The following LIN52 variants were observed in gnomAD, a reference collection of about 807,000 sequenced individuals.
LIN52 encodes protein lin-52 homolog.
In LIN52, 4 loss-of-function variants were observed where a neutral mutation model predicts 18.5. The observed-to-expected ratio is 0.22, with a 90% CI of 0.11 to 0.49. LIN52 has a LOEUF of 0.49. LIN52 is among the 20% of genes least tolerant of loss of function. LIN52 has a pLI of 0.97. For missense variants in LIN52, 102 were observed against 139.5 expected (o/e 0.73, Z 1.35); for synonymous variants, 34 against 45.5 (o/e 0.75, Z 1.02).
At chr14:74,101,339 A>G in intron 5 of LIN52, 101 bp downstream of exon 5, 1 of 709,294 alleles carries the variant, frequency 1.4e-6, no homozygotes, top group East Asian at 3.1e-5. Context: ...GTTATAATTC[A>G]GAAAGTATAT....
chr14:74,143,051 A>G (rs1251730321), intron 5 of LIN52, among the ~76,000 whole-genome samples: 10 of 151,826 alleles, frequency 6.6e-5, no homozygotes, highest in African/African-American at 2.2e-4. Context: ...TAGACTATGG[A>G]ATGAGTCCAG....
intron 5 of LIN52, among the ~76,000 whole-genome samples, chr14:74,130,587 C>CT (rs1566856707): frequency 1.1e-4 from 13 of 115,710 alleles, no homozygotes; most frequent in South Asian, 3.4e-4. Context: ...CTAAATTGGC[C>CT]ATTTTTTTTT....
At chr14:74,130,954 ATTAT>A (rs138444518) in intron 5 of LIN52, among the ~76,000 whole-genome samples, 21 of 150,870 alleles carry the variant, frequency 1.4e-4, no homozygotes, top group Non-Finnish European at 1.2e-4. Flanking sequence ...TAAAATTTTT[ATTAT>A]TTATTTATTT....
intron 5 of LIN52, among the ~76,000 whole-genome samples, chr14:74,193,333 G>A (rs2139596932): frequency 6.6e-6 from 1 of 151,798 alleles, no homozygotes; most frequent in South Asian, 2.1e-4. Flanking sequence ...AGGATCACTT[G>A]AGTCCAGGAG....
intron 5 of LIN52, among the ~76,000 whole-genome samples, chr14:74,169,779 A>G (rs572020190): frequency 1.8e-4 from 28 of 152,318 alleles, no homozygotes; most frequent in Admixed American, 5.2e-4. Context: ...CTCAGACACT[A>G]TTAGATTCTA....
At chr14:74,087,063 T>A (rs902251476) in intron 1 of LIN52, among the ~76,000 whole-genome samples, 12 of 152,188 alleles carry the variant, frequency 7.9e-5, no homozygotes, top group Non-Finnish European at 7.3e-5. Flanking sequence ...TGAGTTTGAT[T>A]TTTTTCCCCT....
At chr14:74,171,562 A>G (rs2061270673) in intron 5 of LIN52, among the ~76,000 whole-genome samples, 1 of 152,070 alleles carries the variant, frequency 6.6e-6, no homozygotes. Flanking sequence ...AATAAATGTT[A>G]TGAACTAGAA....
chr14:74,101,611 A>C (rs1389950668), intron 5 of LIN52, among the ~76,000 whole-genome samples: 1 of 151,770 alleles, frequency 6.6e-6, no homozygotes. Context: ...GGCGCCCGCC[A>C]CTACGCCCGG....
intron 5 of LIN52, among the ~76,000 whole-genome samples, chr14:74,175,711 T>TACACAC (rs35602442): frequency 0.026 from 2,220 of 86,330 alleles, 22 homozygotes; most frequent in Middle Eastern, 0.053. Flanking sequence ...CACAGACACA[T>TACACAC]ACACACACAC....
At chr14:74,121,301 A>G (rs1595163287) in intron 5 of LIN52, among the ~76,000 whole-genome samples, 3 of 152,232 alleles carry the variant, frequency 2.0e-5, no homozygotes, top group East Asian at 1.9e-4. Flanking sequence ...TGCTGTTTCC[A>G]TTCTATATTA....
chr14:74,088,152 A>G (rs1334920478), intron 1 of LIN52, among the ~76,000 whole-genome samples: 1 of 151,938 alleles, frequency 6.6e-6, no homozygotes, highest in African/African-American at 2.4e-5. Flanking sequence ...GTGCTGTGGC[A>G]TGATCTCGGG....
chr14:74,129,787 G>T (rs552068367), intron 5 of LIN52, among the ~76,000 whole-genome samples: 37 of 152,338 alleles, frequency 2.4e-4, no homozygotes, highest in African/African-American at 8.9e-4. Flanking sequence ...ATTCGAGGCT[G>T]CAGTGAGCTG....
rs1485148868 is a variant in LIN52, at chr14:74,091,239, TCTGGAAGC to T, written c.28_35del (p.Leu10IlefsTer6). ...CTGGATGTTTTGTTCTAGGGACAGA[TCTGGAAGC>T]ATCTTTGCTAAGTTTTGAAAAACTT... On this transcript the variant is annotated frameshift_variant, in exon 2 of 6. Coordinates refer to ENST00000555028, the MANE Select transcript of LIN52 (RefSeq NM_001024674.3). LOFTEE classifies it high-confidence loss of function. 14 of 1,610,088 alleles carry T rather than the reference TCTGGAAGC, an allele frequency of 8.7e-6. No homozygotes were observed. Among genetic ancestry groups the T allele is most frequent in the Non-Finnish European group, 1.2e-5 (14 of 1,176,736 alleles).
chr14:74,132,514 GTTGGTTGTT>G (rs1372443705), intron 5 of LIN52, among the ~76,000 whole-genome samples: 1 of 151,884 alleles, frequency 6.6e-6, no homozygotes, highest in African/African-American at 2.4e-5. Context: ...TTTTTGTTTG[GTTGGTTGTT>G]TTTTGAGACG....
Position 74,200,414 on chromosome 14 carries a change from G to GAAAAAAAAAA in LIN52, c.*1457_*1466dup, listed in dbSNP as rs59209603. 4.4e-5 allele frequency: 4 copies of GAAAAAAAAAA among 90,282 alleles called. No individual in the cohort carries two copies. Among genetic ancestry groups the GAAAAAAAAAA allele is most frequent in the African/African-American group, 1.5e-4 (3 of 20,596 alleles). 5.6% of individuals were successfully genotyped at this position (90,282 alleles called of 1,614,324 possible). A position where few individuals can be genotyped will look rare whatever the true frequency, so the allele number is the denominator to read the frequency against. On this transcript the variant is annotated 3_prime_UTR_variant, in exon 6 of 6. Coordinates refer to ENST00000555028, the MANE Select transcript of LIN52 (RefSeq NM_001024674.3). ...GGCAACAGAGTGAGACTCTGTCTCA[G>GAAAAAAAAAA]AAAAAAAAAAAAAAAAAAAAAAAAA...
chr14:74,180,262 AT>A (rs5809652), intron 5 of LIN52, among the ~76,000 whole-genome samples: 35,106 of 119,452 alleles, frequency 0.29, 4,899 homozygotes, highest in East Asian at 0.61. Context: ...GGGAGGAGGA[AT>A]TTTTTTTTTT....
At chr14:74,090,308 C>T in intron 1 of LIN52, among the ~76,000 whole-genome samples, 1 of 151,016 alleles carries the variant, frequency 6.6e-6, no homozygotes. Context: ...CATGAGGCAC[C>T]CCACCTGCCC....
In LIN52 at chr14:74,176,172, A is replaced by G. The variant is rs915448287; in HGVS notation, c.284-22750A>G. 2.0e-5 allele frequency among the ~76,000 whole-genome samples: 3 copies of G among 152,068 alleles called. No individual in the cohort carries two copies. The South Asian group carries it at 6.2e-4, about 31-fold the overall frequency. On this transcript the variant is annotated intron_variant, in intron 5 of 5. Transcript: ENST00000555028. The stretch of plus-strand genomic sequence containing the variant: ...GAGCTGCCTGAGGCTGTTTTATATT[A>G]TAATTATTGAGATTGAGCCATGCTC...
At position 74,130,278 on chromosome 14, in the gene LIN52, G is replaced by GTTTGT. The variant is rs1555382571; in HGVS notation, c.283+29043_283+29044insGTTTT. On this transcript the variant is annotated intron_variant, in intron 5 of 5. Coordinates refer to ENST00000555028, the MANE Select transcript of LIN52 (RefSeq NM_001024674.3). ...GAATTTATTAGATAGGCATTTTTTG[G>GTTTGT]TTTTTTTTTTTTTTTTTTGAGACAG... 1.1e-3 allele frequency among the ~76,000 whole-genome samples: 71 copies of GTTTGT among 64,820 alleles called. 6 individuals are homozygous for GTTTGT. The highest frequency in any genetic ancestry group is 4.2e-3 in the African/African-American group (66 of 15,876). The allele number at this position is 64,820 out of a possible 152,430, so 42.5% of individuals were successfully genotyped here. A position where few individuals can be genotyped will look rare whatever the true frequency, so the allele number is the denominator to read the frequency against.
Sources: allele counts gnomAD v4.1 joint callset (sites outside exome capture counted in the v4.1 genomes callset), GRCh38; gene constraint gnomAD v4.1.1; transcripts MANE v1.5; gene names NCBI Gene and HGNC (gene_info 2026-07-23, HGNC 2026-07-21).